Variants in LAMA3 observed in about 807,000 individuals in gnomAD.
LAMA3 encodes the protein laminin subunit alpha-3.
A neutral mutation model predicts 402.0 loss-of-function variants in LAMA3; 281 were observed. The observed-to-expected ratio is 0.70, with a 90% CI of 0.63 to 0.77. The LOEUF (loss-of-function observed/expected upper bound fraction) is 0.77. LAMA3 is among the 30% of genes least tolerant of loss of function. The probability of loss-of-function intolerance (pLI) is 0.00; values close to 1 mark genes in which losing one functional copy is unlikely to be tolerated. For missense variants in LAMA3, 3,840 were observed against 4,215.5 expected (o/e 0.91, Z 2.47); for synonymous variants, 1,431 against 1,558.4 (o/e 0.92, Z 1.93).
At chr18:23,778,056 G>T (rs112398735) in intron 11 of LAMA3, among the ~76,000 whole-genome samples, 2 of 152,180 alleles carry the variant, frequency 1.3e-5, no homozygotes, top group African/African-American at 4.8e-5. Context: ...ATTAGTGGAG[G>T]CATTAATGCT....
Position 23,810,437 on chromosome 18 carries a change from C to T in LAMA3, c.1675C>T (p.Pro559Ser). ...AGTGACTGGACAGTGTGAATGTCGG[C>T]CAGGAGTTACAGGACAGCGGTGTGA... Reference protein sequence around the residue: ...SSVTGQCECRPGVTGQRCDRC... With the variant: ...SSVTGQCECRSGVTGQRCDRC... The change falls in exon 13 of 75, where the codon CCA becomes TCA. Residue 559 changes from proline to serine, a missense_variant. Physicochemically the swap from Pro to Ser is moderately conservative, Grantham distance 74. Coordinates refer to ENST00000313654, the MANE Select transcript of LAMA3 (RefSeq NM_198129.4). The T allele has an allele frequency of 6.2e-7, 1 of 1,614,118 alleles. No homozygotes were observed. Among genetic ancestry groups the T allele is most frequent in the East Asian group, 2.2e-5 (1 of 44,880 alleles).
chr18:23,926,907 A>G (rs1290280268), intron 62 of LAMA3, among the ~76,000 whole-genome samples: 2 of 152,206 alleles, frequency 1.3e-5, no homozygotes, highest in African/African-American at 4.8e-5. Flanking sequence ...TCTGTACAAA[A>G]CACTGTTTGA....
chr18:23,878,864 C>T (rs1411260136), intron 39 of LAMA3, among the ~76,000 whole-genome samples: 2 of 152,124 alleles, frequency 1.3e-5, no homozygotes, highest in South Asian at 2.1e-4. Flanking sequence ...GCAGGAGTAG[C>T]GGGTAATGTG....
chr18:23,752,142 A>AT (rs1282459043), intron 5 of LAMA3, among the ~76,000 whole-genome samples: 1 of 151,948 alleles, frequency 6.6e-6, no homozygotes, highest in African/African-American at 2.4e-5. Context: ...TATCTTTTGT[A>AT]TTTTTTTGCT....
chr18:23,953,232 A>C, intron 74 of LAMA3, 123 bp downstream of exon 74: 4 of 1,287,588 alleles, frequency 3.1e-6, no homozygotes, highest in Non-Finnish European at 4.5e-6. Flanking sequence ...TTGCACTGGC[A>C]TGTGGGGAAA....
intron 21 of LAMA3, 74 bp from the exon 22 acceptor site, chr18:23,826,628 T>A (rs2063387351): frequency 2.8e-6 from 3 of 1,060,374 alleles, no homozygotes; most frequent in Admixed American, 2.0e-5. Context: ...TTAACTAGTA[T>A]GTTTGATTAT....
Position 23,928,719 on chromosome 18 carries a change from T to A in LAMA3, c.8390T>A (p.Phe2797Tyr). Residue 2797 changes from phenylalanine (F) to tyrosine (Y), a missense_variant, in exon 64 of 75, where the codon TTT becomes TAT. Transcript: ENST00000313654. Reference protein sequence around the residue: ...PTDHLQASFGFQTFQPSGILL... With the variant: ...PTDHLQASFGYQTFQPSGILL... ...GACCACCTCCAGGCCTCATTTGGAT[T>A]TCAGACCTTTCAACCCAGTGGCATA... The A allele has an allele frequency of 6.2e-7, 1 of 1,614,066 alleles. No homozygotes were observed. Among genetic ancestry groups the A allele is most frequent in the Non-Finnish European group, 8.5e-7 (1 of 1,179,894 alleles).
chr18:23,809,637 G>T, intron 12 of LAMA3, among the ~76,000 whole-genome samples: 1 of 152,162 alleles, frequency 6.6e-6, no homozygotes, highest in Admixed American at 6.6e-5. Flanking sequence ...AGAGGAGAAT[G>T]AATGGCCAGC....
rs141123110 is a variant in LAMA3 at position 23,901,300 on chromosome 18, G to A, written c.6178G>A (p.Glu2060Lys). 4.3e-6 allele frequency: 7 copies of A among 1,614,102 alleles called. No homozygotes were observed. In the African/African-American group the frequency reaches 6.7e-5, roughly 15 times the overall value. Reference protein sequence around the residue: ...KQANGLNQENERALGAIQRQV... With the variant: ...KQANGLNQENKRALGAIQRQV... ...GGCAAATGGCTTGAACCAAGAAAAC[G>A]AGAGAGCTTTGGGAGCCATTCAGGT... The change falls in exon 48 of 75, where the codon GAG becomes AAG. Residue 2060 changes from glutamate to lysine, a missense_variant. Around this residue, in one of 3 missense-constraint regions of LAMA3, gnomAD observed 891 missense variants for 857.5 expected, o/e 1.04. Transcript: ENST00000313654.
chr18:23,775,305 AT>A (rs1340509950), intron 9 of LAMA3, among the ~76,000 whole-genome samples: 5 of 152,000 alleles, frequency 3.3e-5, no homozygotes, highest in South Asian at 2.1e-4. Context: ...TCAGATTAAC[AT>A]TTTTTTTATG....
chr18:23,884,931 C>T, intron 41 of LAMA3, 78 bp downstream of exon 41: 2 of 1,092,078 alleles, frequency 1.8e-6, no homozygotes, highest in East Asian at 2.4e-5. Context: ...GGTGCTGGCA[C>T]AGAGCTAGGG....
At position 23,782,812 on chromosome 18, in the gene LAMA3, C is replaced by A. The variant is rs970167704; in HGVS notation, c.1469-1211C>A. On this transcript the variant is annotated intron_variant, in intron 11 of 74. Transcript: ENST00000313654. ...CTGAGCATCTTTTTTTTTTTTTTTT[C>A]ATCTATAAAATACTTACCTGTCTTA... Among the ~76,000 whole-genome samples, 64 of 103,250 alleles carry A rather than the reference C, an allele frequency of 6.2e-4. 1 individual carries two copies. The highest frequency in any genetic ancestry group is 2.7e-3 in the African/African-American group (61 of 22,470). 67.7% of individuals were successfully genotyped at this position (103,250 alleles called of 152,430 possible).
At chr18:23,910,319 A>G (rs1442132901) in intron 55 of LAMA3, among the ~76,000 whole-genome samples, 1 of 152,120 alleles carries the variant, frequency 6.6e-6, no homozygotes, top group Non-Finnish European at 1.5e-5. Context: ...TGGTCTATAG[A>G]GCATAGAAAG....
At chr18:23,899,125 C>A in intron 46 of LAMA3, 60 bp downstream of exon 46, 2 of 1,354,664 alleles carry the variant, frequency 1.5e-6, no homozygotes, top group Non-Finnish European at 2.1e-6. Context: ...TCATTGTACA[C>A]TAAAAGAATT....
intron 32 of LAMA3, among the ~76,000 whole-genome samples, chr18:23,856,615 G>A (rs956526655): frequency 2.0e-5 from 3 of 151,960 alleles, no homozygotes; most frequent in Admixed American, 6.6e-5. Flanking sequence ...TTGTCTGCCC[G>A]GATCTTCAGT....
At chr18:23,692,491 C>G (rs977494372) in intron 1 of LAMA3, among the ~76,000 whole-genome samples, 1 of 152,000 alleles carries the variant, frequency 6.6e-6, no homozygotes, top group Non-Finnish European at 1.5e-5. Context: ...AGGCTGGTCT[C>G]GAACTACTGA....
At chr18:23,724,109 A>G (rs535337118) in intron 2 of LAMA3, among the ~76,000 whole-genome samples, 103 of 152,288 alleles carry the variant, frequency 6.8e-4, no homozygotes, top group African/African-American at 2.3e-3. Flanking sequence ...TAGCTCTCAC[A>G]TATGAACGAG....
chr18:23,712,893 T>C (rs554276579), intron 1 of LAMA3, among the ~76,000 whole-genome samples: 2 of 151,872 alleles, frequency 1.3e-5, no homozygotes, highest in African/African-American at 4.8e-5. Context: ...AGCATTTAGT[T>C]TGGGAGCAGA....
At chr18:23,871,347 A>G in intron 37 of LAMA3, 84 bp from the exon 38 acceptor site, 1 of 1,048,964 alleles carries the variant, frequency 9.5e-7, no homozygotes, top group Middle Eastern at 2.0e-4. Flanking sequence ...CTTGTTTTTG[A>G]TTCATTCGGG....
Sources: gnomAD v4.1 joint callset for allele counts (sites outside exome capture counted in the v4.1 genomes callset) on GRCh38, gnomAD v4.1.1 for gene constraint, gnomAD v4.1.1 regional missense constraint, MANE v1.5 for transcripts, NCBI Gene and HGNC (gene_info 2026-07-23, HGNC 2026-07-21) for gene names.